The following DYM variants were observed in gnomAD, a reference collection of about 807,000 sequenced individuals.
DYM encodes dymeclin, also known as dyggve-Melchior-Clausen syndrome protein.
In DYM, 78 loss-of-function variants were observed where a neutral mutation model predicts 93.1. The ratio of observed to expected loss-of-function variants is 0.84; its 90% CI spans 0.70 to 1.01. The LOEUF is 1.01. Among genes scored for constraint, DYM ranks in the 50% least tolerant of loss-of-function variants. The pLI is 0.00. For missense variants in DYM, 789 were observed against 845.0 expected, an observed-to-expected ratio of 0.93 and a Z score of 0.82; for synonymous variants, 321 against 319.7, an observed-to-expected ratio of 1.00 and a Z score of -0.04.
At chr18:49,317,646 C>CTCCTCTCCTTCCT (rs750848541) in intron 8 of DYM, among the ~76,000 whole-genome samples, 32 of 36,604 alleles carry the variant, frequency 8.7e-4, no homozygotes, top group Middle Eastern at 0.013. Context: ...ATCCTCTCCT[C>CTCCTCTCCTTCCT]TCCTTCCTTC....
chr18:49,121,486 A>G (rs1164755885), intron 15 of DYM, among the ~76,000 whole-genome samples: 1 of 152,208 alleles, frequency 6.6e-6, no homozygotes. Flanking sequence ...GAGATATTCA[A>G]AGAGATAATG....
intron 13 of DYM, among the ~76,000 whole-genome samples, chr18:49,231,940 G>T (rs548613020): frequency 6.6e-6 from 1 of 152,112 alleles, no homozygotes; most frequent in Non-Finnish European, 1.5e-5. Flanking sequence ...AAGGAACACA[G>T]GTTGGAGACA....
intron 3 of DYM, among the ~76,000 whole-genome samples, chr18:49,379,965 A>C (rs1198820036): frequency 1.3e-5 from 2 of 152,198 alleles, no homozygotes; most frequent in Non-Finnish European, 2.9e-5. Context: ...TGATTTGCAA[A>C]ATGAAAATGA....
At chr18:49,097,977 T>C (rs2079737886) in intron 16 of DYM, among the ~76,000 whole-genome samples, 1 of 152,058 alleles carries the variant, frequency 6.6e-6, no homozygotes, top group Non-Finnish European at 1.5e-5. Flanking sequence ...GGATTATCTA[T>C]GAATTTAGCC....
At chr18:49,284,516 C>T (rs2145794681) in intron 9 of DYM, among the ~76,000 whole-genome samples, 1 of 151,870 alleles carries the variant, frequency 6.6e-6, no homozygotes, top group South Asian at 2.1e-4. Context: ...TGAATACCTG[C>T]TTTGTTGCAA....
rs1328883908 is a variant in DYM at position 49,341,406 on chromosome 18, C to T, written c.495-7553G>A. Among the ~76,000 whole-genome samples, 4 of 136,360 alleles carry T rather than the reference C, an allele frequency of 2.9e-5. No individual in the cohort carries two copies. In the Admixed American group the frequency reaches 3.4e-4, roughly 12 times the overall value. The allele number at this position is 136,360 out of a possible 152,430, so 89.5% of individuals were successfully genotyped here. On this transcript the variant is annotated intron_variant, in intron 6 of 17. Transcript: ENST00000675505. Reference sequence around the variant, plus strand: ...ACTCAGGAAGCTGAGGCAGGGGAATCGCTTGAACCTGGGAGGTGGAGGTTG... The same window carrying T: ...ACTCAGGAAGCTGAGGCAGGGGAATTGCTTGAACCTGGGAGGTGGAGGTTG...
Position 49,335,138 on chromosome 18 carries a change from T to A in DYM, c.495-1285A>T, listed in dbSNP as rs553279156. On this transcript the variant is annotated intron_variant, in intron 6 of 17. Transcript: ENST00000675505. ...CAAAAAATAAAGAAAGAAAAAGAAA[T>A]ATATTTAAAAATGACATATAAAAAA... 1.6e-3 allele frequency among the ~76,000 whole-genome samples: 240 copies of A among 151,780 alleles called. 2 individuals are homozygous for A. Among genetic ancestry groups the A allele is most frequent in the Middle Eastern group, 3.4e-3 (1 of 294 alleles).
intron 13 of DYM, among the ~76,000 whole-genome samples, chr18:49,230,148 T>C (rs2144382521): frequency 6.6e-6 from 1 of 152,298 alleles, no homozygotes. Flanking sequence ...CTATATGTGT[T>C]TGTCAACTCA....
chr18:49,403,726 C>T (rs527267174), intron 2 of DYM, among the ~76,000 whole-genome samples: 31 of 152,056 alleles, frequency 2.0e-4, no homozygotes, highest in Middle Eastern at 3.4e-3. Context: ...AGTTTTTTAA[C>T]CCTTGTCCCC....
At chr18:49,324,612 A>G (rs1434402630) in intron 8 of DYM, among the ~76,000 whole-genome samples, 1 of 152,222 alleles carries the variant, frequency 6.6e-6, no homozygotes, top group Non-Finnish European at 1.5e-5. Flanking sequence ...TTTTTCAAAA[A>G]TATTTTTAAC....
chr18:49,373,472 T>C (rs1353678806), intron 5 of DYM, among the ~76,000 whole-genome samples: 1 of 152,170 alleles, frequency 6.6e-6, no homozygotes, highest in Non-Finnish European at 1.5e-5. Flanking sequence ...GGTGGGAGTG[T>C]AGCAGTAAGG....
intron 15 of DYM, among the ~76,000 whole-genome samples, chr18:49,121,258 C>T (rs1167843569): frequency 2.6e-5 from 4 of 152,016 alleles, no homozygotes; most frequent in Non-Finnish European, 5.9e-5. Flanking sequence ...GTGAAGAATG[C>T]CTTAAATAGG....
chr18:49,338,348 C>G (rs1277623331), intron 6 of DYM, among the ~76,000 whole-genome samples: 2 of 152,114 alleles, frequency 1.3e-5, no homozygotes, highest in African/African-American at 4.8e-5. Context: ...ATAATTCTAC[C>G]CAGATTAATA....
chr18:49,169,900 T>C (rs1275950562), intron 14 of DYM, among the ~76,000 whole-genome samples: 2 of 151,986 alleles, frequency 1.3e-5, no homozygotes, highest in Admixed American at 1.3e-4. Flanking sequence ...AATAAAGAGA[T>C]GAGGATGCCT....
intron 6 of DYM, among the ~76,000 whole-genome samples, chr18:49,357,870 C>T (rs918079100): frequency 1.3e-5 from 2 of 152,130 alleles, no homozygotes; most frequent in Non-Finnish European, 2.9e-5. Context: ...AAAAAACAGG[C>T]CAGGTGTGGT....
intron 2 of DYM, among the ~76,000 whole-genome samples, chr18:49,393,103 A>G (rs376702712): frequency 0.026 from 52 of 1,980 alleles, 10 homozygotes; most frequent in East Asian, 0.11. Context: ...GAAGGAAGGA[A>G]GGAAGGAAGG....
intron 5 of DYM, among the ~76,000 whole-genome samples, chr18:49,374,114 CA>C (rs779809450): frequency 2.6e-5 from 4 of 152,074 alleles, no homozygotes; most frequent in Non-Finnish European, 5.9e-5. Context: ...AAATGATAAA[CA>C]ATAACTGTGA....
intron 14 of DYM, chr18:49,208,519 C>T (rs927031136): frequency 3.3e-5 from 5 of 152,194 alleles, no homozygotes; most frequent in Admixed American, 2.0e-4. Flanking sequence ...AACATCATCA[C>T]GAGTCTATAA....
At chr18:49,455,624 A>G (rs1197374558) in intron 1 of DYM, among the ~76,000 whole-genome samples, 1 of 152,208 alleles carries the variant, frequency 6.6e-6, no homozygotes, top group Non-Finnish European at 1.5e-5. Context: ...TTCAAAAAGT[A>G]TGTAGGTTAG....
Sources: allele counts gnomAD v4.1 joint callset (sites outside exome capture counted in the v4.1 genomes callset), GRCh38; gene constraint gnomAD v4.1.1; transcripts MANE v1.5; gene names NCBI Gene and HGNC (gene_info 2026-07-23, HGNC 2026-07-21).